The following VPS13B variants were observed in gnomAD, a reference collection of about 807,000 sequenced individuals.
VPS13B encodes the protein vacuolar protein sorting 13 homolog B.
Under a neutral mutation model 426.4 loss-of-function variants are expected in VPS13B, and 285 were observed. The ratio of observed to expected loss-of-function variants is 0.67; its 90% CI spans 0.61 to 0.74. VPS13B has a LOEUF of 0.74. VPS13B is among the 30% of genes least tolerant of loss of function. The pLI is 0.00. For synonymous variants in VPS13B, 1,676 were observed against 1,676.4 expected, an observed-to-expected ratio of 1.00 and a Z score of 0.01; for missense variants, 4,537 against 4,782.6, an observed-to-expected ratio of 0.95 and a Z score of 1.51.
intron 19 of VPS13B, among the ~76,000 whole-genome samples, chr8:99,322,862 ACTTC>A (rs1810053354): frequency 1.3e-5 from 2 of 152,226 alleles, no homozygotes; most frequent in South Asian, 4.1e-4. Context: ...CGATTGTCTT[ACTTC>A]CTTGATAATT....
At chr8:99,346,492 T>G (rs1811547325) in intron 19 of VPS13B, 1 of 152,364 alleles carries the variant, frequency 6.6e-6, no homozygotes, top group African/African-American at 2.4e-5. Context: ...TTGGCATTTA[T>G]TGTTTTCAGT....
intron 35 of VPS13B, among the ~76,000 whole-genome samples, chr8:99,685,108 A>G (rs1831329352): frequency 6.6e-6 from 1 of 152,234 alleles, no homozygotes; most frequent in South Asian, 2.1e-4. Context: ...GCCCCATTAG[A>G]TGTTTTTAAG....
At chr8:99,120,601 C>T (rs997006876) in intron 7 of VPS13B, 6 of 152,022 alleles carry the variant, frequency 3.9e-5, no homozygotes, top group African/African-American at 1.5e-4. Flanking sequence ...AGAAAGAGGC[C>T]CCAACATTAT....
At chr8:99,478,086 T>TA (rs371899284) in intron 24 of VPS13B, among the ~76,000 whole-genome samples, 4,731 of 141,590 alleles carry the variant, frequency 0.033, 106 homozygotes, top group South Asian at 0.078. Flanking sequence ...TGTCTTTATT[T>TA]AAAAAAAAAA....
intron 19 of VPS13B, chr8:99,340,891 G>T: frequency 3.2e-6 from 1 of 314,776 alleles, no homozygotes; most frequent in South Asian, 3.8e-5. Context: ...GTGGTTGTCT[G>T]ACTCTCTGTG....
intron 3 of VPS13B, among the ~76,000 whole-genome samples, chr8:99,051,289 C>T (rs901277961): frequency 2.6e-5 from 4 of 152,150 alleles, no homozygotes; most frequent in African/African-American, 9.7e-5. Context: ...AATAGGGAAT[C>T]GTTTCCCCAT....
chr8:99,710,503 C>T (rs922421927), intron 36 of VPS13B, among the ~76,000 whole-genome samples: 8 of 151,744 alleles, frequency 5.3e-5, no homozygotes, highest in African/African-American at 1.7e-4. Flanking sequence ...TAGTATGTTT[C>T]CTGGGAAAAA....
rs120074152 is a variant in VPS13B at position 99,384,294 on chromosome 8, C to T, written c.2911C>T (p.Arg971Ter). 22 of 1,613,546 alleles carry T rather than the reference C, an allele frequency of 1.4e-5. No homozygotes were observed. Among genetic ancestry groups the T allele is most frequent in the South Asian group, 2.2e-5 (2 of 91,068 alleles). Residue 971 changes from arginine to a stop codon, truncating the protein, a stop_gained, in exon 20 of 62, where the codon CGA becomes TGA. Transcript: ENST00000357162. LOFTEE classifies it high-confidence loss of function. ...YTWLIYQPQK[R>*]TSRHMQQQPV... ...GTGGCTCATCTATCAGCCTCAGAAACGAACAAGTAGACATATGCAACAGGT... is the reference window on the plus strand; with the variant it reads ...GTGGCTCATCTATCAGCCTCAGAAATGAACAAGTAGACATATGCAACAGGT...
chr8:99,832,830 TC>T (rs1279608612), intron 52 of VPS13B, among the ~76,000 whole-genome samples, 178 bp downstream of exon 52: 1 of 152,180 alleles, frequency 6.6e-6, no homozygotes, highest in Non-Finnish European at 1.5e-5. Flanking sequence ...ATATGGCTTG[TC>T]CCAGCATACT....
chr8:99,770,054 G>GA, intron 40 of VPS13B, among the ~76,000 whole-genome samples: 1 of 152,192 alleles, frequency 6.6e-6, no homozygotes, highest in Non-Finnish European at 1.5e-5. Flanking sequence ...AGCTGATCAG[G>GA]AGGCTAAGGT....
chr8:99,402,903 C>T (rs867749245), intron 21 of VPS13B, among the ~76,000 whole-genome samples: 5 of 152,366 alleles, frequency 3.3e-5, no homozygotes, highest in Middle Eastern at 3.4e-3. Context: ...CATACAACTA[C>T]TAACCAATTG....
At chr8:99,639,671 A>T (rs975447585) in intron 33 of VPS13B, among the ~76,000 whole-genome samples, 3 of 148,590 alleles carry the variant, frequency 2.0e-5, no homozygotes, top group Admixed American at 6.7e-5. Context: ...ATTATATATA[A>T]AAATATGTTT....
At chr8:99,107,298 A>G (rs576958179) in intron 5 of VPS13B, among the ~76,000 whole-genome samples, 47 of 152,328 alleles carry the variant, frequency 3.1e-4, no homozygotes, top group African/African-American at 1.1e-3. Flanking sequence ...CTATAAATCA[A>G]TAAGAAAAGA....
chr8:99,603,809 G>C (rs542895228), intron 33 of VPS13B, among the ~76,000 whole-genome samples: 1 of 152,130 alleles, frequency 6.6e-6, no homozygotes, highest in African/African-American at 2.4e-5. Flanking sequence ...TTTGTTAATA[G>C]GTATTTGAAA....
intron 39 of VPS13B, among the ~76,000 whole-genome samples, chr8:99,765,365 T>C (rs1329082343): frequency 1.3e-5 from 2 of 152,218 alleles, no homozygotes; most frequent in African/African-American, 2.4e-5. Flanking sequence ...TCTTTGAGTA[T>C]TGGTGAAGTT....
At chr8:99,840,770 C>T (rs1563502336) in intron 54 of VPS13B, among the ~76,000 whole-genome samples, 2 of 152,140 alleles carry the variant, frequency 1.3e-5, no homozygotes, top group African/African-American at 4.8e-5. Flanking sequence ...CAGAGGTAAC[C>T]TTGAACACTA....
chr8:99,418,455 T>TTTTCTC (rs1554779657), intron 21 of VPS13B, among the ~76,000 whole-genome samples: 4 of 122,668 alleles, frequency 3.3e-5, no homozygotes, highest in African/African-American at 1.2e-4. Flanking sequence ...TTTATCATAG[T>TTTTCTC]TTTCTTTCTT....
chr8:99,490,201 G>T (rs983548757), intron 25 of VPS13B, among the ~76,000 whole-genome samples: 5 of 152,140 alleles, frequency 3.3e-5, no homozygotes, highest in South Asian at 4.1e-4. Context: ...GATGGAATAT[G>T]TTTATTGATT....
chr8:99,098,409 G>A (rs985155849), intron 4 of VPS13B, among the ~76,000 whole-genome samples: 1 of 151,996 alleles, frequency 6.6e-6, no homozygotes, highest in African/African-American at 2.4e-5. Context: ...TTCATTTAAT[G>A]TTATGCCAAA....
Sources: allele counts gnomAD v4.1 joint callset (sites outside exome capture counted in the v4.1 genomes callset), GRCh38; gene constraint gnomAD v4.1.1; transcripts MANE v1.5; gene names NCBI Gene and HGNC (gene_info 2026-07-23, HGNC 2026-07-21).